Variants in TTLL5 observed in about 807,000 individuals in gnomAD.
TTLL5 encodes the protein tubulin tyrosine ligase like 5.
TTLL5 carries 132 observed loss-of-function variants against 168.4 expected under a neutral mutation model. That is an observed-to-expected ratio of 0.78 (90% CI 0.68 to 0.91). The LOEUF (loss-of-function observed/expected upper bound fraction) is 0.91, where lower values mean the gene tolerates loss of function less well. Ranked by LOEUF, TTLL5 falls within the 40% of genes least tolerant of loss-of-function variation. TTLL5 has a pLI of 0.00. For missense variants in TTLL5, 1,545 were observed against 1,581.5 expected, an observed-to-expected ratio of 0.98 and a Z score of 0.39; for synonymous variants, 546 against 558.6, an observed-to-expected ratio of 0.98 and a Z score of 0.32.
intron 31 of TTLL5, among the ~76,000 whole-genome samples, chr14:75,950,634 G>C (rs1044059905): frequency 1.6e-4 from 24 of 152,168 alleles, no homozygotes; most frequent in African/African-American, 5.6e-4. Context: ...GTATTATACT[G>C]TTTTATTTTT....
chr14:75,735,626 T>C (rs1435531175), intron 15 of TTLL5, among the ~76,000 whole-genome samples: 1 of 152,212 alleles, frequency 6.6e-6, no homozygotes, highest in Non-Finnish European at 1.5e-5. Flanking sequence ...TTCTTAGTCA[T>C]TACTGCATTC....
intron 17 of TTLL5, among the ~76,000 whole-genome samples, chr14:75,746,557 CTTTT>C (rs71119389): frequency 3.5e-5 from 4 of 114,718 alleles, no homozygotes; most frequent in Non-Finnish European, 7.4e-5. Context: ...CTTTTCTTTT[CTTTT>C]TTTTTTTTTT....
chr14:75,922,049 G>A (rs1379736995), intron 31 of TTLL5, among the ~76,000 whole-genome samples: 1 of 152,152 alleles, frequency 6.6e-6, no homozygotes, highest in African/African-American at 2.4e-5. Context: ...TGTTACTGGT[G>A]TATAGGAATG....
chr14:75,751,066 TC>T (rs1438765731), intron 17 of TTLL5, among the ~76,000 whole-genome samples: 4 of 152,300 alleles, frequency 2.6e-5, no homozygotes, highest in African/African-American at 4.8e-5. Context: ...TCATTTCAGA[TC>T]CCTTGCTGAA....
intron 23 of TTLL5, 79 bp from the exon 24 acceptor site, chr14:75,779,496 C>G: frequency 9.5e-6 from 15 of 1,572,326 alleles, no homozygotes; most frequent in Non-Finnish European, 1.0e-5. Flanking sequence ...CCAGCTTGCT[C>G]TGTTTTCATA....
chr14:75,732,130 T>C (rs2140233130), intron 12 of TTLL5: 1 of 510,310 alleles, frequency 2.0e-6, no homozygotes, highest in Middle Eastern at 5.3e-4. Context: ...CAGTGGAATT[T>C]TATAGCATTG....
rs1430198543 is a variant in TTLL5, at chr14:75,745,486, C to T, written c.1396-4C>T. ...GTACTCATTTTATCTTATTTTTCAT[C>T]TAGATCAAAGTTTTACGAAGGGTGA... is the stretch of plus-strand genomic sequence containing the variant. On this transcript the variant is annotated splice_polypyrimidine_tract_variant and splice_region_variant and intron_variant, in intron 16 of 31. Coordinates refer to ENST00000298832, the MANE Select transcript of TTLL5 (RefSeq NM_015072.5). 2 of 1,613,608 alleles carry T rather than the reference C, an allele frequency of 1.2e-6. No homozygotes were observed. The highest frequency in any genetic ancestry group is 1.7e-6 in the Non-Finnish European group (2 of 1,179,838).
At chr14:75,777,295 A>G (rs1012954458) in intron 23 of TTLL5, among the ~76,000 whole-genome samples, 2 of 152,192 alleles carry the variant, frequency 1.3e-5, no homozygotes, top group African/African-American at 4.8e-5. Context: ...GAGGCATCTC[A>G]TATTTACTGG....
At chr14:75,824,733 T>TG (rs1267516402) in intron 28 of TTLL5, among the ~76,000 whole-genome samples, 2 of 152,054 alleles carry the variant, frequency 1.3e-5, no homozygotes, top group African/African-American at 4.8e-5. Context: ...ATGTGTTTTT[T>TG]TTTTTTTTTT....
At chr14:75,813,095 G>C (rs987517391) in intron 27 of TTLL5, among the ~76,000 whole-genome samples, 1 of 152,114 alleles carries the variant, frequency 6.6e-6, no homozygotes, top group Non-Finnish European at 1.5e-5. Context: ...TCTTGAGCAA[G>C]TTATTTTATC....
In TTLL5 at chr14:75,775,356, G is replaced by A. The variant is rs990199105; in HGVS notation, c.2137-128G>A. 7.5e-6 allele frequency: 8 copies of A among 1,065,168 alleles called. No homozygotes were observed. In the African/African-American group the frequency reaches 1.3e-4, roughly 17 times the overall value. 66.0% of individuals were successfully genotyped at this position (1,065,168 alleles called of 1,614,324 possible). A position where few individuals can be genotyped will look rare whatever the true frequency, so the allele number is the denominator to read the frequency against. ...CTTATACCTAACCTTTTTGTTCTGG[G>A]TCTTGTTTGTTGAAATGTGTAATAT... On this transcript the variant is annotated intron_variant, in intron 21 of 31. Transcript: ENST00000298832.
chr14:75,777,898 G>C (rs1891808867), intron 23 of TTLL5, among the ~76,000 whole-genome samples: 1 of 151,332 alleles, frequency 6.6e-6, no homozygotes, highest in Non-Finnish European at 1.5e-5. Context: ...TGACATTTTT[G>C]AGTCTTAAGT....
intron 29 of TTLL5, among the ~76,000 whole-genome samples, chr14:75,870,649 T>G (rs144692777): frequency 2.6e-3 from 398 of 152,322 alleles, no homozygotes; most frequent in Non-Finnish European, 4.4e-3. Flanking sequence ...TATTATTTTG[T>G]CCTTTCAACA....
intron 28 of TTLL5, among the ~76,000 whole-genome samples, chr14:75,839,800 C>A (rs1896122266): frequency 6.6e-6 from 1 of 152,180 alleles, no homozygotes; most frequent in Admixed American, 6.5e-5. Context: ...TTTTGATATG[C>A]ATTTCCCTAA....
At chr14:75,671,371 C>T (rs889362772) in intron 3 of TTLL5, among the ~76,000 whole-genome samples, 4 of 152,174 alleles carry the variant, frequency 2.6e-5, no homozygotes, top group African/African-American at 9.7e-5. Context: ...GATCTCTGGC[C>T]ATTCAGGGTC....
chr14:75,671,279 G>A (rs1883722727), intron 3 of TTLL5, among the ~76,000 whole-genome samples: 1 of 152,206 alleles, frequency 6.6e-6, no homozygotes, highest in South Asian at 2.1e-4. Flanking sequence ...CCTTATGGTA[G>A]TAACATACTC....
intron 27 of TTLL5, among the ~76,000 whole-genome samples, chr14:75,807,222 T>C (rs1893709879): frequency 6.6e-6 from 1 of 151,968 alleles, no homozygotes; most frequent in Non-Finnish European, 1.5e-5. Flanking sequence ...CCGAGGTGGG[T>C]GGATCGCTTG....
At chr14:75,724,536 A>G (rs575560216) in intron 12 of TTLL5, among the ~76,000 whole-genome samples, 21 of 152,304 alleles carry the variant, frequency 1.4e-4, no homozygotes, top group Admixed American at 7.8e-4. Flanking sequence ...CACATCTGGC[A>G]AGGACCTTAG....
At chr14:75,710,121 T>C (rs575199299) in intron 9 of TTLL5, 1 of 152,304 alleles carries the variant, frequency 6.6e-6, no homozygotes, top group South Asian at 2.1e-4. Context: ...ATGGAGGTTG[T>C]GCTTCACTGT....
Sources: gnomAD v4.1 joint callset for allele counts (sites outside exome capture counted in the v4.1 genomes callset) on GRCh38, gnomAD v4.1.1 for gene constraint, MANE v1.5 for transcripts, NCBI Gene and HGNC (gene_info 2026-07-23, HGNC 2026-07-21) for gene names.